Variants in ADGRG6 observed in about 807,000 individuals in gnomAD.
The protein encoded by ADGRG6 is adhesion G protein-coupled receptor G6.
In ADGRG6, 84 loss-of-function variants were observed where a neutral mutation model predicts 142.4. That is an observed-to-expected ratio of 0.59 (90% CI 0.49 to 0.71). ADGRG6 has a LOEUF of 0.71. Among genes scored for constraint, ADGRG6 ranks in the 30% least tolerant of loss-of-function variants. The pLI is 0.00. For missense variants in ADGRG6, 1,367 were observed against 1,466.6 expected, an observed-to-expected ratio of 0.93 and a Z score of 1.11; for synonymous variants, 521 against 520.5, an observed-to-expected ratio of 1.00 and a Z score of -0.01.
chr6:142,374,872 ATTAAC>A (rs1329485656), intron 4 of ADGRG6, among the ~76,000 whole-genome samples: 1 of 152,242 alleles, frequency 6.6e-6, no homozygotes, highest in African/African-American at 2.4e-5. Flanking sequence ...ATATGAGCTA[ATTAAC>A]TTTCATTGTT....
intron 2 of ADGRG6, among the ~76,000 whole-genome samples, chr6:142,328,469 T>G (rs1301966922): frequency 6.6e-6 from 1 of 152,220 alleles, no homozygotes; most frequent in Non-Finnish European, 1.5e-5. Context: ...CCCAAAGTTC[T>G]GGAATTACAG....
At chr6:142,388,360 TAGAG>T (rs1782135101) in intron 6 of ADGRG6, among the ~76,000 whole-genome samples, 1 of 152,134 alleles carries the variant, frequency 6.6e-6, no homozygotes, top group Non-Finnish European at 1.5e-5. Context: ...ATATTTTCCT[TAGAG>T]GGAACAAATA....
chr6:142,340,695 T>TC lies in ADGRG6; in HGVS notation c.104-26868dup, dbSNP rs200817106. Among the ~76,000 whole-genome samples, 31 of 152,160 alleles carry TC rather than the reference T, an allele frequency of 2.0e-4. No homozygotes were observed. The East Asian group carries it at 4.3e-3, about 21-fold the overall frequency. ...CATTTTTCTGAGAGAGACATTCTTG[T>TC]CCCCCCACATCATTCCAAGTAGAAG... On this transcript the variant is annotated intron_variant, in intron 2 of 24. Coordinates refer to ENST00000367609, the MANE Select transcript of ADGRG6 (RefSeq NM_198569.3).
In ADGRG6 at chr6:142,370,764, C is replaced by G. The variant is rs1334815164; in HGVS notation, c.1040C>G (p.Ala347Gly). Residue 347 changes from alanine (A) to glycine (G), a missense_variant, in exon 4 of 25, where the codon GCT becomes GGT. Physicochemically the swap from Ala to Gly is moderately conservative, Grantham distance 60 (BLOSUM62 0). This residue lies in a region of ADGRG6 where 737 missense variants were observed against 746.5 expected (regional missense o/e 0.99). Coordinates refer to ENST00000367609, the MANE Select transcript of ADGRG6 (RefSeq NM_198569.3). ...GACTTCTGGAATATCCCAAACCTAG[C>G]TCTGAAAGCTGAAAGCAACCTAAGC... ...QNDFWNIPNL[A>G]LKAESNLSCG... 5 of 1,613,382 alleles carry G rather than the reference C, an allele frequency of 3.1e-6. No individual in the cohort carries two copies. Among genetic ancestry groups the G allele is most frequent in the Non-Finnish European group, 4.2e-6 (5 of 1,179,776 alleles).
intron 4 of ADGRG6, among the ~76,000 whole-genome samples, chr6:142,379,342 A>G (rs780167473): frequency 5.3e-5 from 8 of 152,158 alleles, no homozygotes; most frequent in Non-Finnish European, 1.2e-4. Flanking sequence ...ATTACTTATG[A>G]TATCAAGGCT....
chr6:142,304,750 C>T (rs1333186873), intron 1 of ADGRG6, among the ~76,000 whole-genome samples: 2 of 152,116 alleles, frequency 1.3e-5, no homozygotes, highest in East Asian at 1.9e-4. Context: ...ATGGAAAAGA[C>T]TTTGTTCAAT....
At chr6:142,336,872 G>A (rs1583000535) in intron 2 of ADGRG6, among the ~76,000 whole-genome samples, 1 of 152,168 alleles carries the variant, frequency 6.6e-6, no homozygotes, top group South Asian at 2.1e-4. Flanking sequence ...ATCTGTTTTC[G>A]AACCTGATAT....
At chr6:142,315,678 A>G (rs1778014117) in intron 2 of ADGRG6, among the ~76,000 whole-genome samples, 1 of 151,984 alleles carries the variant, frequency 6.6e-6, no homozygotes, top group African/African-American at 2.4e-5. Context: ...TAAAAATCCA[A>G]AAATTAGCCT....
At chr6:142,404,113 G>A (rs1775676608) in intron 14 of ADGRG6, 140 bp downstream of exon 14, 2 of 678,260 alleles carry the variant, frequency 2.9e-6, no homozygotes, top group South Asian at 3.2e-5. Flanking sequence ...TTTAACTAGA[G>A]CAGTAGCCAT....
intron 13 of ADGRG6, among the ~76,000 whole-genome samples, chr6:142,403,231 A>G (rs1006054877): frequency 2.6e-5 from 4 of 152,172 alleles, no homozygotes; most frequent in African/African-American, 7.2e-5. Flanking sequence ...TGAAATGAAC[A>G]TGCTGGGGCA....
intron 2 of ADGRG6, among the ~76,000 whole-genome samples, chr6:142,320,394 C>G (rs1364511120): frequency 6.6e-6 from 1 of 151,988 alleles, no homozygotes; most frequent in African/African-American, 2.4e-5. Context: ...CTTTTGGATG[C>G]AACTAAACTA....
intron 2 of ADGRG6, among the ~76,000 whole-genome samples, chr6:142,341,489 TATA>T (rs1343756118): frequency 1.9e-4 from 22 of 118,296 alleles, no homozygotes; most frequent in East Asian, 4.2e-4. Context: ...ATATATACTA[TATA>T]ATATTATATA....
Position 142,443,960 on chromosome 6 carries a change from C to T in ADGRG6, c.*445C>T, listed in dbSNP as rs1777874921. 1 of 152,774 alleles carries T rather than the reference C, an allele frequency of 6.5e-6. No individual in the cohort carries two copies. The highest frequency in any genetic ancestry group is 6.5e-5 in the Admixed American group (1 of 15,286). The allele number at this position is 152,774 out of a possible 1,614,324, so 9.5% of individuals were successfully genotyped here. ...GTAACTATTTTGAATGCCCACAAAT[C>T]CCATTCCAGTGTTACTTTCTGTGAA... On this transcript the variant is annotated 3_prime_UTR_variant, in exon 25 of 25. Transcript: ENST00000367609.
intron 22 of ADGRG6, among the ~76,000 whole-genome samples, chr6:142,425,031 G>C (rs544987153): frequency 1.3e-5 from 2 of 152,220 alleles, no homozygotes; most frequent in African/African-American, 4.8e-5. Context: ...GTATATTCAA[G>C]GTATTAAAAG....
chr6:142,354,463 A>G (rs1018283283), intron 2 of ADGRG6, among the ~76,000 whole-genome samples: 11 of 152,190 alleles, frequency 7.2e-5, no homozygotes, highest in Admixed American at 4.6e-4. Context: ...GTTACACATT[A>G]TTAAGTCTTC....
chr6:142,332,659 T>C (rs1779115901), intron 2 of ADGRG6, among the ~76,000 whole-genome samples: 1 of 152,196 alleles, frequency 6.6e-6, no homozygotes, highest in African/African-American at 2.4e-5. Flanking sequence ...CATTATTACT[T>C]ACCACGCCAA....
At position 142,445,999 on chromosome 6, in the gene ADGRG6, A is replaced by G. The variant is rs1247188730; in HGVS notation, c.*2484A>G. ...TACATATTTATTTATTTGTGTTTATATATGTCAATTGGTTTCCTTTCTTAG... is the reference window on the plus strand; with the variant it reads ...TACATATTTATTTATTTGTGTTTATGTATGTCAATTGGTTTCCTTTCTTAG... On this transcript the variant is annotated 3_prime_UTR_variant, in exon 25 of 25. Transcript: ENST00000367609. 2 of 152,460 alleles carry G rather than the reference A, an allele frequency of 1.3e-5. No individual in the cohort carries two copies. The highest frequency in any genetic ancestry group is 2.1e-4 in the South Asian group (1 of 4,830). 9.4% of individuals were successfully genotyped at this position (152,460 alleles called of 1,614,324 possible).
chr6:142,389,331 T>C (rs1202083684), intron 6 of ADGRG6, among the ~76,000 whole-genome samples: 3 of 151,942 alleles, frequency 2.0e-5, no homozygotes, highest in Non-Finnish European at 2.9e-5. Flanking sequence ...CTATATTTTG[T>C]GTGCCTATTT....
chr6:142,387,579 G>T (rs1289761648), intron 6 of ADGRG6, among the ~76,000 whole-genome samples: 6 of 152,158 alleles, frequency 3.9e-5, no homozygotes, highest in African/African-American at 1.4e-4. Context: ...ATAACCAGGT[G>T]TCTAGATTAG....
Sources: gnomAD v4.1 joint callset for allele counts (sites outside exome capture counted in the v4.1 genomes callset) on GRCh38, gnomAD v4.1.1 for gene constraint, gnomAD v4.1.1 regional missense constraint, MANE v1.5 for transcripts, NCBI Gene and HGNC (gene_info 2026-07-23, HGNC 2026-07-21) for gene names.